The following ANKS1B variants were observed in gnomAD, a reference collection of about 807,000 sequenced individuals.
The protein encoded by ANKS1B is ankyrin repeat and sterile alpha motif domain-containing protein 1B.
In ANKS1B, 36 loss-of-function variants were observed where a neutral mutation model predicts 148.3. The observed-to-expected ratio is 0.24, with a 90% CI of 0.19 to 0.32. The LOEUF (loss-of-function observed/expected upper bound fraction) is 0.32. Among genes scored for constraint, ANKS1B ranks in the 10% least tolerant of loss-of-function variants. The probability of loss-of-function intolerance (pLI) is 1.00; values close to 1 mark genes in which losing one functional copy is unlikely to be tolerated. For synonymous variants in ANKS1B, 542 were observed against 560.8 expected (o/e 0.97, Z 0.47); for missense variants, 1,157 against 1,542.6 (o/e 0.75, Z 4.19).
intron 10 of ANKS1B, among the ~76,000 whole-genome samples, chr12:99,445,213 T>C (rs1459209600): frequency 6.6e-6 from 1 of 152,022 alleles, no homozygotes; most frequent in Non-Finnish European, 1.5e-5. Flanking sequence ...GATGCTCTGA[T>C]TCTCTCCAAC....
chr12:98,929,339 T>C (rs1045523337), intron 17 of ANKS1B, among the ~76,000 whole-genome samples: 23 of 152,080 alleles, frequency 1.5e-4, no homozygotes, highest in African/African-American at 4.6e-4. Context: ...TACGTGAAGA[T>C]GGTAATACTC....
At chr12:98,969,704 C>T (rs11109689) in intron 17 of ANKS1B, among the ~76,000 whole-genome samples, 45,812 of 151,956 alleles carry the variant, frequency 0.3, 7,798 homozygotes, top group African/African-American at 0.46. Context: ...AAATTAGCTG[C>T]TAATTTTGTT....
chr12:99,650,662 C>T (rs1384679484), intron 9 of ANKS1B, among the ~76,000 whole-genome samples: 1 of 152,088 alleles, frequency 6.6e-6, no homozygotes, highest in Non-Finnish European at 1.5e-5. Flanking sequence ...GTAGAAATTT[C>T]AATCTAGTTA....
intron 15 of ANKS1B, among the ~76,000 whole-genome samples, chr12:99,094,894 G>T (rs988846831): frequency 6.6e-6 from 1 of 152,142 alleles, no homozygotes; most frequent in Non-Finnish European, 1.5e-5. Context: ...TGTGGAGAAT[G>T]GATGGAGAAA....
intron 17 of ANKS1B, among the ~76,000 whole-genome samples, chr12:99,050,494 A>G (rs1461508012): frequency 6.6e-6 from 1 of 152,008 alleles, no homozygotes; most frequent in East Asian, 1.9e-4. Flanking sequence ...AGCTTACTTT[A>G]AGGAAAATAT....
chr12:99,549,805 C>T (rs1467283703), intron 9 of ANKS1B, among the ~76,000 whole-genome samples: 1 of 152,202 alleles, frequency 6.6e-6, no homozygotes, highest in Non-Finnish European at 1.5e-5. Context: ...TCCACAGACC[C>T]TGGTCACAGT....
intron 12 of ANKS1B, 117 bp downstream of exon 12, chr12:99,399,514 A>G (rs2094346149): frequency 9.5e-7 from 1 of 1,052,984 alleles, no homozygotes; most frequent in Non-Finnish European, 1.4e-6. Context: ...ATTGCCACAC[A>G]TGGAGGTGAA....
chr12:99,274,790 G>A (rs1221594047), intron 12 of ANKS1B, among the ~76,000 whole-genome samples: 2 of 152,194 alleles, frequency 1.3e-5, no homozygotes, highest in African/African-American at 4.8e-5. Flanking sequence ...TAAAAATGCA[G>A]TTTCAGTAAG....
At chr12:98,840,341 C>T (rs1473481369) in intron 17 of ANKS1B, among the ~76,000 whole-genome samples, 1 of 152,140 alleles carries the variant, frequency 6.6e-6, no homozygotes, top group East Asian at 1.9e-4. Flanking sequence ...CCTTTTCCTT[C>T]TGCTATTACT....
chr12:99,250,679 A>C (rs766584036), intron 12 of ANKS1B, among the ~76,000 whole-genome samples: 6 of 137,710 alleles, frequency 4.4e-5, no homozygotes, highest in Non-Finnish European at 7.8e-5. Context: ...TAAGTTTGGG[A>C]GGGTTTGATA....
At chr12:99,448,320 G>T (rs192805705) in intron 10 of ANKS1B, among the ~76,000 whole-genome samples, 26 of 152,226 alleles carry the variant, frequency 1.7e-4, no homozygotes, top group African/African-American at 5.3e-4. Context: ...GGAGGACCTT[G>T]TGTTAAGTGA....
intron 15 of ANKS1B, among the ~76,000 whole-genome samples, chr12:99,147,030 A>G (rs1307383177): frequency 6.6e-6 from 1 of 152,158 alleles, no homozygotes; most frequent in Non-Finnish European, 1.5e-5. Flanking sequence ...AATAGAGACC[A>G]TGTGGCTTGC....
chr12:99,812,273 G>T lies in ANKS1B; in HGVS notation c.254C>A (p.Thr85Lys). 6.2e-7 allele frequency: 1 copy of T among 1,611,520 alleles called. No individual in the cohort carries two copies. The highest frequency in any genetic ancestry group is 1.7e-4 in the Middle Eastern group (1 of 6,048). ...VLKLLQYEAS[T>K]NVADNKGYFP... ...ATACCCTTTGTTGTCTGCTACATTT[G>T]TTGATGCCTCATACTGAAGTAGTTT... The change falls in exon 3 of 27, where the codon ACA becomes AAA. Residue 85 changes from threonine (T) to lysine (K), a missense_variant. Thr to Lys is a moderately conservative substitution (Grantham distance 78, BLOSUM62 -1). This residue lies in a region of ANKS1B where 164 missense variants were observed against 232.6 expected (regional missense o/e 0.71). Transcript: ENST00000683438.
chr12:99,301,767 A>G (rs1433131888), intron 12 of ANKS1B, among the ~76,000 whole-genome samples: 1 of 152,212 alleles, frequency 6.6e-6, no homozygotes, highest in African/African-American at 2.4e-5. Flanking sequence ...AGCAAAATTT[A>G]TAAACATAAT....
chr12:99,840,795 T>C (rs1023563613), intron 1 of ANKS1B, among the ~76,000 whole-genome samples: 10 of 152,112 alleles, frequency 6.6e-5, no homozygotes, highest in Admixed American at 5.9e-4. Flanking sequence ...ATTCATTCCA[T>C]TTTTTCTCCT....
At chr12:99,034,132 G>T (rs1164425649) in intron 17 of ANKS1B, among the ~76,000 whole-genome samples, 1 of 152,154 alleles carries the variant, frequency 6.6e-6, no homozygotes, top group Non-Finnish European at 1.5e-5. Context: ...GACATTCATA[G>T]ACACCCCTGT....
intron 11 of ANKS1B, among the ~76,000 whole-genome samples, chr12:99,435,125 T>C (rs954620026): frequency 4.6e-5 from 7 of 152,070 alleles, no homozygotes; most frequent in Non-Finnish European, 7.4e-5. Flanking sequence ...GACCACTATA[T>C]GGATTGAAGG....
intron 9 of ANKS1B, among the ~76,000 whole-genome samples, chr12:99,627,082 T>C (rs1432505451): frequency 6.6e-6 from 1 of 152,130 alleles, no homozygotes; most frequent in African/African-American, 2.4e-5. Context: ...AAAATTTCAG[T>C]TTGGCCACAG....
intron 15 of ANKS1B, among the ~76,000 whole-genome samples, chr12:99,091,515 T>C (rs896784815): frequency 2.6e-5 from 4 of 152,240 alleles, no homozygotes; most frequent in African/African-American, 9.6e-5. Context: ...AAAAATTTTA[T>C]AGCTATGAGA....
Sources: gnomAD v4.1 joint callset for allele counts (sites outside exome capture counted in the v4.1 genomes callset) on GRCh38, gnomAD v4.1.1 for gene constraint, gnomAD v4.1.1 regional missense constraint, MANE v1.5 for transcripts, NCBI Gene and HGNC (gene_info 2026-07-23, HGNC 2026-07-21) for gene names.